The following SHBG variants were observed in gnomAD, a reference collection of about 807,000 sequenced individuals.
The protein encoded by SHBG is sex hormone binding globulin, also known as sex hormone-binding globulin.
A neutral mutation model predicts 41.9 loss-of-function variants in SHBG; 37 were observed. That is an observed-to-expected ratio of 0.88 (90% CI 0.68 to 1.16). SHBG has a LOEUF of 1.16. SHBG is among the 50% of genes most tolerant of loss of function. The pLI is 0.00. For synonymous variants in SHBG, 217 were observed against 205.8 expected, an observed-to-expected ratio of 1.05 and a Z score of -0.47; for missense variants, 466 against 499.9, an observed-to-expected ratio of 0.93 and a Z score of 0.65.
At position 7,632,025 on chromosome 17, in the gene SHBG, G is replaced by T. The variant is rs766921870; in HGVS notation, c.852+10G>T. On this transcript the variant is annotated intron_variant, in intron 6 of 7. Coordinates refer to ENST00000380450, the MANE Select transcript of SHBG (RefSeq NM_001040.5). ...CCACCTCCAAGATCAAGTAAAGGGG[G>T]ACAGTGGGGCATTGCCTGTATTCAG... is the stretch of plus-strand genomic sequence containing the variant. 15 of 1,612,648 alleles carry T rather than the reference G, an allele frequency of 9.3e-6. No individual in the cohort carries two copies. The highest frequency in any genetic ancestry group is 3.3e-5 in the South Asian group (3 of 91,082).
chr17:7,626,877 CAG>C, upstream of SHBG: 1 of 1,602,274 alleles, frequency 6.2e-7, no homozygotes, highest in Non-Finnish European at 8.6e-7. Context: ...GCTCTGGGGA[CAG>C]GGGATAACAG....
At chr17:7,626,470 T>G, upstream of SHBG, 1 of 1,614,038 alleles carries the variant, frequency 6.2e-7, no homozygotes, top group Non-Finnish European at 8.5e-7. Flanking sequence ...AACTTTCTCG[T>G]TGCCTCTCCT....
At chr17:7,615,420 A>G (rs1316650745) in intron 1 of SHBG, among the ~76,000 whole-genome samples, 1 of 152,244 alleles carries the variant, frequency 6.6e-6, no homozygotes, top group East Asian at 1.9e-4. Context: ...CTCTTCGCGT[A>G]TGCATCGCCG....
chr17:7,614,348 G>C (rs921804993), intron 1 of SHBG: 29 of 835,598 alleles, frequency 3.5e-5, no homozygotes, highest in Non-Finnish European at 4.6e-5. Context: ...AAGATTCTAA[G>C]GGCCAGGACT....
At chr17:7,618,463 TGTTTTTG>T (rs2072032511) in intron 1 of SHBG, among the ~76,000 whole-genome samples, 1 of 151,460 alleles carries the variant, frequency 6.6e-6, no homozygotes, top group Non-Finnish European at 1.5e-5. Context: ...TTTTTGTTTT[TGTTTTTG>T]TTTTTTTTGT....
intron 6 of SHBG, 132 bp downstream of exon 6, chr17:7,632,147 T>C (rs1489059472): frequency 1.0e-6 from 1 of 1,003,364 alleles, no homozygotes; most frequent in Non-Finnish European, 1.5e-6. Flanking sequence ...TCCACAGAAT[T>C]GTTTTTCATT....
rs1249249498 is a variant in SHBG, at chr17:7,621,401, A to G, written c.-62+7290A>G. Reference sequence around the variant, plus strand: ...CATCTGAGGTCAGGAGTTTGAGACCAGCCTGGCCAACATGGTGAAAACCCA... The same window carrying G: ...CATCTGAGGTCAGGAGTTTGAGACCGGCCTGGCCAACATGGTGAAAACCCA... On this transcript the variant is annotated intron_variant, in intron 1 of 5. Coordinates refer to the SHBG transcript ENST00000570547. Among the ~76,000 whole-genome samples the G allele has an allele frequency of 1.4e-5, 2 of 138,648 alleles. 1 individual carries two copies. The highest frequency in any genetic ancestry group is 4.2e-4 in the East Asian group (2 of 4,752). The allele number at this position is 138,648 out of a possible 152,430, so 91.0% of individuals were successfully genotyped here. A position where few individuals can be genotyped will look rare whatever the true frequency, so the allele number is the denominator to read the frequency against.
upstream of SHBG, among the ~76,000 whole-genome samples, chr17:7,623,662 G>T (rs1355058144): frequency 2.0e-5 from 3 of 152,076 alleles, no homozygotes; most frequent in African/African-American, 7.2e-5. Flanking sequence ...GTTTTGCCCT[G>T]TTGCCCAGGT....
intron 1 of SHBG, among the ~76,000 whole-genome samples, chr17:7,616,924 G>A (rs2072004872): frequency 6.6e-6 from 1 of 152,016 alleles, no homozygotes; most frequent in Admixed American, 6.6e-5. Context: ...CAAAAAGAGC[G>A]ACACTCTGTC....
At chr17:7,615,447 TA>T (rs2071958274) in intron 1 of SHBG, among the ~76,000 whole-genome samples, 1 of 152,362 alleles carries the variant, frequency 6.6e-6, no homozygotes, top group African/African-American at 2.4e-5. Context: ...TAAGAATCTG[TA>T]ACTCTCTACT....
At chr17:7,627,807 C>T (rs1470282874), upstream of SHBG, 2 of 739,612 alleles carry the variant, frequency 2.7e-6, no homozygotes, top group Non-Finnish European at 4.8e-6. The surrounding 1 kb of genome is among the most constrained non-coding windows in gnomAD (Gnocchi z 4.8). Context: ...ATTCCGGCGC[C>T]GTACGGGAGG....
At chr17:7,627,915 G>C (rs1215970514), upstream of SHBG, 12 of 586,246 alleles carry the variant, frequency 2.0e-5, no homozygotes, top group Non-Finnish European at 3.2e-5. This position sits in a 1 kb window ranked among gnomAD's most constrained non-coding sequence, Gnocchi z 4.8. Context: ...AATCAGCTTG[G>C]AGAACAGGCA....
chr17:7,630,373 G>A lies in SHBG; in HGVS notation c.112-43G>A. The A allele has an allele frequency of 6.3e-7, 1 of 1,599,874 alleles. No homozygotes were observed. The highest frequency in any genetic ancestry group is 8.6e-7 in the Non-Finnish European group (1 of 1,167,190). On this transcript the variant is annotated intron_variant, in intron 1 of 7. Coordinates refer to ENST00000380450, the MANE Select transcript of SHBG (RefSeq NM_001040.5). This position sits in a 1 kb window ranked among gnomAD's most constrained non-coding sequence, Gnocchi z 4.6. ...AGGGCCTCTCCCTCTGTCTGTCTCT[G>A]ACATGTCCCTACTCAGCTTTGTTTG...
upstream of SHBG, chr17:7,626,371 T>C: frequency 2.6e-6 from 4 of 1,534,054 alleles, no homozygotes; most frequent in Non-Finnish European, 3.6e-6. Context: ...TCAGTGTCTG[T>C]GGACGTAGTC....
rs1567768384 is a variant in SHBG, at chr17:7,632,033, G to A, written c.852+18G>A. On this transcript the variant is annotated intron_variant, in intron 6 of 7. Coordinates refer to ENST00000380450, the MANE Select transcript of SHBG (RefSeq NM_001040.5). ...AAGATCAAGTAAAGGGGGACAGTGG[G>A]GCATTGCCTGTATTCAGTGGAGCCT... is the stretch of plus-strand genomic sequence containing the variant. 2 of 1,611,678 alleles carry A rather than the reference G, an allele frequency of 1.2e-6. No individual in the cohort carries two copies. The highest frequency in any genetic ancestry group is 8.5e-7 in the Non-Finnish European group (1 of 1,179,780).
intron 1 of SHBG, chr17:7,614,539 G>C: frequency 1.4e-6 from 2 of 1,470,196 alleles, no homozygotes; most frequent in Non-Finnish European, 1.8e-6. Context: ...CCATGGCGCC[G>C]CCACCGCCTC....
At chr17:7,614,514 C>G (rs776755617) in intron 1 of SHBG, 5 of 1,514,236 alleles carry the variant, frequency 3.3e-6, no homozygotes, top group East Asian at 2.7e-5. Context: ...ACATCCCCCC[C>G]AGAGGCCAGG....
At chr17:7,632,177 T>C in intron 6 of SHBG, 162 bp downstream of exon 6, 1 of 789,400 alleles carries the variant, frequency 1.3e-6, no homozygotes, top group Non-Finnish European at 2.1e-6. Flanking sequence ...CCAGGCATGG[T>C]GGTGCTTGCC....
chr17:7,616,686 C>T (rs553963523), intron 1 of SHBG, among the ~76,000 whole-genome samples: 1 of 151,824 alleles, frequency 6.6e-6, no homozygotes, highest in East Asian at 1.9e-4. Flanking sequence ...GCCTGTAATC[C>T]CAGCACTTTG....
Sources: gnomAD v4.1 joint callset for allele counts (sites outside exome capture counted in the v4.1 genomes callset) on GRCh38, gnomAD v4.1.1 for gene constraint, Gnocchi (gnomAD v3.1) non-coding constraint, MANE v1.5 for transcripts, NCBI Gene and HGNC (gene_info 2026-07-23, HGNC 2026-07-21) for gene names.